SLCO1C1: variants seen among roughly 807,000 people sequenced by gnomAD.
SLCO1C1 encodes OAT-RP-5.
Under a neutral mutation model 76.4 loss-of-function variants are expected in SLCO1C1, and 70 were observed. The observed-to-expected ratio is 0.92, with a 90% CI of 0.76 to 1.12. The LOEUF is 1.12. SLCO1C1 is among the 50% of genes most tolerant of loss of function. The pLI is 0.00. For missense variants in SLCO1C1, 912 were observed against 823.8 expected (o/e 1.11, Z -1.31); for synonymous variants, 306 against 286.1 (o/e 1.07, Z -0.70).
At chr12:20,737,370 C>T (rs914321649) in intron 11 of SLCO1C1, 98 bp downstream of exon 11, 1 of 1,265,988 alleles carries the variant, frequency 7.9e-7, no homozygotes, top group East Asian at 2.8e-5. Flanking sequence ...TAGTAGGAGG[C>T]TTGCCTCTTA....
intron 1 of SLCO1C1, among the ~76,000 whole-genome samples, chr12:20,697,891 GGAGACAAT>G (rs1468255475): frequency 2.0e-5 from 3 of 151,978 alleles, no homozygotes; most frequent in African/African-American, 4.8e-5. Flanking sequence ...TCAAACTAAT[GGAGACAAT>G]GATTATCTGT....
In SLCO1C1 at chr12:20,699,695, G is replaced by A. The variant is rs1218637845; in HGVS notation, c.119G>A (p.Gly40Asp). ...PSSEEKQPCC[G>D]ELKVFLCALS... Reference sequence around the variant, plus strand: ...TCAGAAGAAAAGCAACCATGCTGTGGTGAACTAAAGGTAGAGCAACCAAGA... The same window carrying A: ...TCAGAAGAAAAGCAACCATGCTGTGATGAACTAAAGGTAGAGCAACCAAGA... Residue 40 changes from glycine to aspartate, a missense_variant, in exon 2 of 15, where the codon GGT becomes GAT. Coordinates refer to ENST00000266509, the MANE Select transcript of SLCO1C1 (RefSeq NM_017435.5). 1 of 1,610,518 alleles carries A rather than the reference G, an allele frequency of 6.2e-7. No homozygotes were observed. Among genetic ancestry groups the A allele is most frequent in the Non-Finnish European group, 8.5e-7 (1 of 1,178,354 alleles).
intron 5 of SLCO1C1, 136 bp downstream of exon 5, chr12:20,711,646 A>G (rs969350712): frequency 1.2e-6 from 1 of 829,052 alleles, no homozygotes; most frequent in Non-Finnish European, 1.8e-6. Context: ...ACAGTACCAT[A>G]AAAATTCCTA....
intron 3 of SLCO1C1, among the ~76,000 whole-genome samples, chr12:20,701,749 T>C (rs1006522451): frequency 6.6e-6 from 1 of 151,844 alleles, no homozygotes; most frequent in African/African-American, 2.4e-5. Flanking sequence ...GAGATGCTAA[T>C]TGGTATTTTG....
At chr12:20,710,294 G>A (rs992538804) in intron 4 of SLCO1C1, among the ~76,000 whole-genome samples, 9 of 137,668 alleles carry the variant, frequency 6.5e-5, no homozygotes, top group East Asian at 2.3e-4. Flanking sequence ...TGCAAGCTCC[G>A]CCTCCCGGGT....
chr12:20,751,081 G>C (rs994953177), intron 14 of SLCO1C1, among the ~76,000 whole-genome samples: 8 of 152,064 alleles, frequency 5.3e-5, no homozygotes, highest in African/African-American at 1.9e-4. Context: ...GCACACAAAT[G>C]GGCAAGTATT....
At chr12:20,726,924 A>G (rs975431011) in intron 9 of SLCO1C1, among the ~76,000 whole-genome samples, 2 of 152,066 alleles carry the variant, frequency 1.3e-5, no homozygotes, top group Admixed American at 6.6e-5. Flanking sequence ...TGTGTATCCA[A>G]TATTTAGCTC....
At chr12:20,723,933 C>G (rs575734387) in intron 9 of SLCO1C1, among the ~76,000 whole-genome samples, 120 of 151,938 alleles carry the variant, frequency 7.9e-4, no homozygotes, top group African/African-American at 2.8e-3. Flanking sequence ...ATAATTTTCT[C>G]TAGTATTGTA....
intron 3 of SLCO1C1, among the ~76,000 whole-genome samples, chr12:20,703,379 G>A (rs144682990): frequency 7.4e-5 from 11 of 147,838 alleles, no homozygotes; most frequent in African/African-American, 2.8e-4. Flanking sequence ...ATATAATTTC[G>A]TATCTTTCTT....
chr12:20,750,955 T>TCTA, intron 14 of SLCO1C1, 163 bp downstream of exon 14: 1 of 1,341,332 alleles, frequency 7.5e-7, no homozygotes, highest in Non-Finnish European at 1.0e-6. Context: ...ATATTATTAT[T>TCTA]TGATTAGATC....
intron 14 of SLCO1C1, 194 bp downstream of exon 14, chr12:20,750,986 T>C: frequency 9.4e-7 from 1 of 1,058,788 alleles, no homozygotes; most frequent in South Asian, 1.7e-5. Flanking sequence ...TCCCTATTCA[T>C]TACCTTGACC....
chr12:20,715,609 A>G (rs1947327920), intron 6 of SLCO1C1, among the ~76,000 whole-genome samples: 1 of 152,224 alleles, frequency 6.6e-6, no homozygotes, highest in Non-Finnish European at 1.5e-5. Flanking sequence ...CTGTACAGCT[A>G]AAGCACTTAG....
At chr12:20,711,213 C>A (rs1406552548) in intron 4 of SLCO1C1, among the ~76,000 whole-genome samples, 173 bp from the exon 5 acceptor site, 1 of 152,204 alleles carries the variant, frequency 6.6e-6, no homozygotes, top group African/African-American at 2.4e-5. Context: ...GCCAGATCTT[C>A]TGGCTACCTC....
chr12:20,724,447 A>G (rs34168478), intron 9 of SLCO1C1, among the ~76,000 whole-genome samples: 11,694 of 95,312 alleles, frequency 0.12, 805 homozygotes, highest in Non-Finnish European at 0.17. Context: ...ATATATATAT[A>G]TATATGTGTG....
At chr12:20,702,759 G>A (rs1946582179) in intron 3 of SLCO1C1, among the ~76,000 whole-genome samples, 1 of 151,794 alleles carries the variant, frequency 6.6e-6, no homozygotes, top group African/African-American at 2.4e-5. Context: ...AAAACAAGGA[G>A]AAAGAGGTAA....
chr12:20,730,306 T>C (rs747803268), intron 9 of SLCO1C1, among the ~76,000 whole-genome samples: 11 of 152,162 alleles, frequency 7.2e-5, no homozygotes, highest in Non-Finnish European at 1.0e-4. Context: ...TCAGTGCATG[T>C]ATGTGCGTGT....
At chr12:20,723,024 C>T (rs1314782633) in intron 8 of SLCO1C1, 66 bp from the exon 9 acceptor site, 4 of 1,434,666 alleles carry the variant, frequency 2.8e-6, no homozygotes, top group East Asian at 2.3e-5. Context: ...GTCCTGCCAG[C>T]ACGGCTACTT....
chr12:20,741,181 T>C (rs1278864937), intron 12 of SLCO1C1, among the ~76,000 whole-genome samples: 2 of 152,042 alleles, frequency 1.3e-5, no homozygotes, highest in Non-Finnish European at 1.5e-5. Context: ...GCCACACCCA[T>C]GAGCCAATCA....
At chr12:20,731,253 A>T (rs374897634) in intron 9 of SLCO1C1, among the ~76,000 whole-genome samples, 54 of 152,214 alleles carry the variant, frequency 3.5e-4, no homozygotes, top group African/African-American at 1.3e-3. Flanking sequence ...CTATTCCTAT[A>T]ATTTCTTCTG....
Sources: gnomAD v4.1 joint callset for allele counts (sites outside exome capture counted in the v4.1 genomes callset) on GRCh38, gnomAD v4.1.1 for gene constraint, MANE v1.5 for transcripts, NCBI Gene and HGNC (gene_info 2026-07-23, HGNC 2026-07-21) for gene names.